The following MAGI1 variants were observed in gnomAD, a reference collection of about 807,000 sequenced individuals.
MAGI1 encodes the protein membrane associated guanylate kinase, WW and PDZ domain containing 1.
MAGI1 carries 58 observed loss-of-function variants against 139.9 expected under a neutral mutation model. The observed-to-expected ratio is 0.41, with a 90% CI of 0.34 to 0.52. The LOEUF is 0.52. Ranked by LOEUF, MAGI1 falls within the 20% of genes least tolerant of loss-of-function variation. The pLI is 0.12. For synonymous variants in MAGI1, 812 were observed against 737.9 expected, an observed-to-expected ratio of 1.10 and a Z score of -1.63; for missense variants, 1,874 against 1,901.6, an observed-to-expected ratio of 0.99 and a Z score of 0.27.
chr3:65,954,684 C>T (rs1200405869), intron 1 of MAGI1: 2 of 152,142 alleles, frequency 1.3e-5, no homozygotes, highest in Non-Finnish European at 2.9e-5. Context: ...ACTACACAGC[C>T]TCGCACTCCA....
intron 1 of MAGI1, among the ~76,000 whole-genome samples, chr3:65,793,589 C>A (rs1046302963): frequency 1.3e-5 from 2 of 152,154 alleles, no homozygotes; most frequent in African/African-American, 4.8e-5. Context: ...TTAGAATAAC[C>A]ATTGAGCTCA....
chr3:65,656,989 A>C (rs1207199164), intron 1 of MAGI1, among the ~76,000 whole-genome samples: 6 of 151,266 alleles, frequency 4.0e-5, no homozygotes, highest in Non-Finnish European at 8.9e-5. Context: ...CAAAAAAAAA[A>C]AAAAAAAAAA....
intron 1 of MAGI1, among the ~76,000 whole-genome samples, chr3:65,936,942 GTGGTGA>G (rs1216428374): frequency 2.0e-3 from 306 of 151,240 alleles, no homozygotes; most frequent in African/African-American, 6.3e-3. Context: ...GGTGATGGTG[GTGGTGA>G]TGGTGATGGT....
chr3:65,631,031 G>T (rs2084270255), intron 1 of MAGI1, among the ~76,000 whole-genome samples: 1 of 152,222 alleles, frequency 6.6e-6, no homozygotes, highest in Non-Finnish European at 1.5e-5. Flanking sequence ...GTTGTGTAGT[G>T]TGTATGCACA....
chr3:65,444,918 C>T (rs1485375671), intron 7 of MAGI1, among the ~76,000 whole-genome samples: 1 of 152,144 alleles, frequency 6.6e-6, no homozygotes, highest in East Asian at 1.9e-4. Context: ...AAATTAGTCT[C>T]CTAATGCTTA....
intron 18 of MAGI1, among the ~76,000 whole-genome samples, chr3:65,373,072 T>C (rs1382573940): frequency 6.6e-6 from 1 of 152,228 alleles, no homozygotes; most frequent in African/African-American, 2.4e-5. Flanking sequence ...CTTGGATAAA[T>C]GTTTAGCATG....
intron 2 of MAGI1, among the ~76,000 whole-genome samples, chr3:65,521,588 G>A (rs2078162735): frequency 6.6e-6 from 1 of 152,066 alleles, no homozygotes; most frequent in Admixed American, 6.6e-5. Flanking sequence ...GAATATTCAT[G>A]GACAATGAAA....
intron 1 of MAGI1, among the ~76,000 whole-genome samples, chr3:66,001,836 C>A (rs2066755906): frequency 6.6e-6 from 1 of 152,182 alleles, no homozygotes; most frequent in African/African-American, 2.4e-5. Flanking sequence ...TGTCCACAGG[C>A]CAAGCTGTTA....
chr3:65,940,200 G>A (rs190396557), intron 1 of MAGI1, among the ~76,000 whole-genome samples: 17 of 152,278 alleles, frequency 1.1e-4, no homozygotes, highest in Admixed American at 5.2e-4. Flanking sequence ...AGCAGAGAGC[G>A]CTTAGGGAAA....
At chr3:65,359,187 A>G (rs1349468976) in intron 22 of MAGI1, 1 of 1,608,706 alleles carries the variant, frequency 6.2e-7, no homozygotes, top group Non-Finnish European at 8.5e-7. Flanking sequence ...AAGAACAGTC[A>G]GAGAGAAGGA....
At chr3:65,504,154 T>C (rs2077188174) in intron 2 of MAGI1, among the ~76,000 whole-genome samples, 1 of 152,220 alleles carries the variant, frequency 6.6e-6, no homozygotes, top group African/African-American at 2.4e-5. Flanking sequence ...ATTAATTATG[T>C]GACTACCTTG....
At chr3:65,968,296 T>A (rs2064856144) in intron 1 of MAGI1, among the ~76,000 whole-genome samples, 1 of 152,188 alleles carries the variant, frequency 6.6e-6, no homozygotes, top group South Asian at 2.1e-4. Flanking sequence ...TATATGTGCA[T>A]AAAGATCAAA....
chr3:65,851,027 A>C (rs1264041991), intron 1 of MAGI1, among the ~76,000 whole-genome samples: 1 of 152,130 alleles, frequency 6.6e-6, no homozygotes, highest in Non-Finnish European at 1.5e-5. Context: ...GAATTGCTTC[A>C]ACCGGGGAGG....
At chr3:65,920,086 G>T (rs763522103) in intron 1 of MAGI1, among the ~76,000 whole-genome samples, 1 of 152,084 alleles carries the variant, frequency 6.6e-6, no homozygotes, top group African/African-American at 2.4e-5. Context: ...ACATTTCTTG[G>T]CAGCCACACT....
intron 13 of MAGI1, among the ~76,000 whole-genome samples, chr3:65,397,262 G>C (rs1944465815): frequency 6.6e-6 from 1 of 152,184 alleles, no homozygotes; most frequent in South Asian, 2.1e-4. Flanking sequence ...AATGATCTAG[G>C]CCAGGGTCAC....
At chr3:65,406,919 C>T (rs1945384643) in intron 12 of MAGI1, among the ~76,000 whole-genome samples, 1 of 152,080 alleles carries the variant, frequency 6.6e-6, no homozygotes, top group African/African-American at 2.4e-5. Context: ...TGGTCAAGGG[C>T]TGGTCTTAGA....
At chr3:65,612,613 C>T (rs1002540185) in intron 2 of MAGI1, among the ~76,000 whole-genome samples, 1 of 152,124 alleles carries the variant, frequency 6.6e-6, no homozygotes, top group Non-Finnish European at 1.5e-5. Context: ...CATTCCCCAA[C>T]ACAAACTAGG....
At chr3:65,590,130 T>A (rs1163679182) in intron 2 of MAGI1, among the ~76,000 whole-genome samples, 1 of 152,138 alleles carries the variant, frequency 6.6e-6, no homozygotes, top group Admixed American at 6.5e-5. Flanking sequence ...TCCTCTACTA[T>A]GAAATCTTCC....
intron 1 of MAGI1, among the ~76,000 whole-genome samples, chr3:65,812,908 T>C (rs1274008877): frequency 6.6e-6 from 1 of 151,580 alleles, no homozygotes; most frequent in South Asian, 2.1e-4. Flanking sequence ...ATGGGGTTTC[T>C]CCATGTTGGT....
Sources: allele counts gnomAD v4.1 joint callset (sites outside exome capture counted in the v4.1 genomes callset), GRCh38; gene constraint gnomAD v4.1.1; transcripts MANE v1.5; gene names NCBI Gene and HGNC (gene_info 2026-07-23, HGNC 2026-07-21).